Variants in ARVCF observed in about 807,000 individuals in gnomAD.
ARVCF encodes ARVCF delta catenin family member.
A neutral mutation model predicts 90.9 loss-of-function variants in ARVCF; 66 were observed. The observed-to-expected ratio is 0.73, with a 90% CI of 0.60 to 0.89. ARVCF has a LOEUF of 0.89. ARVCF is among the 40% of genes least tolerant of loss of function. The probability of loss-of-function intolerance (pLI) is 0.00; values close to 1 mark genes in which losing one functional copy is unlikely to be tolerated. For missense variants in ARVCF, 1,469 were observed against 1,382.3 expected (o/e 1.06, Z -1.00); for synonymous variants, 653 against 603.4 (o/e 1.08, Z -1.21).
intron 8 of ARVCF, 127 bp from the exon 9 acceptor site, chr22:19,977,713 G>A: frequency 7.7e-7 from 1 of 1,305,636 alleles, no homozygotes; most frequent in Admixed American, 3.0e-5. Flanking sequence ...CTCAGTGGAG[G>A]GGAGCAAAAG....
Position 19,981,354 on chromosome 22 carries a change from G to A in ARVCF, c.753C>T (p.Pro251=), listed in dbSNP as rs761619770. 30 of 1,605,834 alleles carry A rather than the reference G, an allele frequency of 1.9e-5. No homozygotes were observed. Among genetic ancestry groups the A allele is most frequent in the African/African-American group, 1.2e-4 (9 of 74,772 alleles). ...EPGPPGGRSL[P]ERFQAEPYGL... ...CATACGGCTCTGCCTGGAAGCGCTCGGGCAGGGAGCGGCCACCTGGTGGCC... is the reference window on the plus strand; with the variant it reads ...CATACGGCTCTGCCTGGAAGCGCTCAGGCAGGGAGCGGCCACCTGGTGGCC... Residue 251 remains proline (P), a synonymous_variant, in exon 5 of 20, where the codon CCC becomes CCT. Coordinates refer to ENST00000263207, the MANE Select transcript of ARVCF (RefSeq NM_001670.3).
At chr22:20,006,777 G>A (rs1431274202) in intron 2 of ARVCF, among the ~76,000 whole-genome samples, 6 of 151,058 alleles carry the variant, frequency 4.0e-5, no homozygotes, top group Non-Finnish European at 8.9e-5. Context: ...GACTACAGGC[G>A]CGTGCCACCA....
chr22:19,976,792 T>G (rs536768776), intron 9 of ARVCF, 69 bp from the exon 10 acceptor site: 1 of 1,529,924 alleles, frequency 6.5e-7, no homozygotes, highest in African/African-American at 1.4e-5. Flanking sequence ...CACCCCCCCA[T>G]GCCCTCCCGG....
At chr22:20,005,726 G>A (rs1471241727) in intron 2 of ARVCF, among the ~76,000 whole-genome samples, 1 of 151,950 alleles carries the variant, frequency 6.6e-6, no homozygotes, top group East Asian at 1.9e-4. Context: ...AACTTGGGAG[G>A]CGGAGCTTGC....
intron 2 of ARVCF, among the ~76,000 whole-genome samples, chr22:20,009,115 G>A (rs1944737655): frequency 6.6e-6 from 1 of 152,166 alleles, no homozygotes; most frequent in African/African-American, 2.4e-5. Context: ...TAAGGGCAGT[G>A]GGACAGCCCC....
chr22:19,973,409 A>G, intron 13 of ARVCF, 92 bp from the exon 14 acceptor site: 1 of 1,452,796 alleles, frequency 6.9e-7, no homozygotes, highest in Non-Finnish European at 9.2e-7. Context: ...CACTGCCAGG[A>G]GAGCCCCTGG....
chr22:19,977,268 C>A, intron 9 of ARVCF, 147 bp downstream of exon 9: 1 of 1,144,598 alleles, frequency 8.7e-7, no homozygotes, highest in Non-Finnish European at 1.2e-6. Context: ...GTCCAGCCTC[C>A]TTGACTCCTG....
intron 2 of ARVCF, 134 bp from the exon 3 acceptor site, chr22:19,990,946 A>G: frequency 2.3e-6 from 2 of 867,878 alleles, no homozygotes; most frequent in African/African-American, 3.4e-5. Context: ...AGAGGGAAGC[A>G]CACTGATTAA....
downstream of ARVCF, chr22:19,968,764 C>G (rs891228883): frequency 2.5e-6 from 4 of 1,597,236 alleles, no homozygotes; most frequent in African/African-American, 5.4e-5. Context: ...CTCTCGGGCT[C>G]TCTCACCCAG....
intron 2 of ARVCF, among the ~76,000 whole-genome samples, chr22:19,993,669 C>G (rs1321096578): frequency 6.6e-6 from 1 of 152,236 alleles, no homozygotes; most frequent in East Asian, 1.9e-4. Flanking sequence ...GAGGCCACTT[C>G]TTGCCAAACA....
chr22:19,987,911 G>C lies in ARVCF; in HGVS notation c.210+2674C>G, dbSNP rs115952945. Among the ~76,000 whole-genome samples, 1,047 of 152,300 alleles carry C rather than the reference G, an allele frequency of 6.9e-3. 10 individuals carry two copies. The highest frequency in any genetic ancestry group is 0.024 in the African/African-American group (1,007 of 41,558). ...TGTGGGCCACACCCTAGGGAATCTA[G>C]TTCTGCTGCAGTGAAAAATGGGAGG... is the stretch of plus-strand genomic sequence containing the variant. On this transcript the variant is annotated intron_variant, in intron 3 of 19. Transcript: ENST00000263207.
At chr22:19,972,859 G>A in intron 15 of ARVCF, 32 bp from the exon 16 acceptor site, 3 of 1,613,662 alleles carry the variant, frequency 1.9e-6, no homozygotes, top group Non-Finnish European at 2.5e-6. Context: ...CAGGGTGGGT[G>A]AAGCACATGG....
chr22:19,979,824 T>G lies in ARVCF; in HGVS notation c.1315A>C (p.Ile439Leu), dbSNP rs1470856019. ...YGRDTDNKAAIRDCGGVPALV... is the reference protein window; with the variant it reads ...YGRDTDNKAALRDCGGVPALV... ...GCAGGCACACCACCGCAGTCCCGGA[T>G]GGCGGCCTTGTTGTCAGTGTCGCGG... is the stretch of plus-strand genomic sequence containing the variant. Residue 439 changes from isoleucine (I) to leucine (L), a missense_variant, in exon 6 of 20, where the codon ATC (isoleucine) becomes CTC (leucine). Physicochemically the swap from Ile to Leu is conservative, Grantham distance 5 (BLOSUM62 2). Transcript: ENST00000263207. 4 of 1,609,744 alleles carry G rather than the reference T, an allele frequency of 2.5e-6. No homozygotes were observed. The highest frequency in any genetic ancestry group is 3.4e-6 in the Non-Finnish European group (4 of 1,178,968).
At chr22:19,967,157 C>T (rs556087393), downstream of ARVCF, 18 of 1,302,046 alleles carry the variant, frequency 1.4e-5, no homozygotes, top group African/African-American at 1.8e-4. Flanking sequence ...CTGTTTAACT[C>T]GTGCAGGTGC....
intron 1 of ARVCF, among the ~76,000 whole-genome samples, chr22:20,014,787 G>A (rs965360391): frequency 2.0e-5 from 3 of 152,176 alleles, no homozygotes; most frequent in Non-Finnish European, 2.9e-5. Context: ...CCCAGAGACC[G>A]GGGATCCTGC....
intron 2 of ARVCF, among the ~76,000 whole-genome samples, chr22:19,995,871 G>C (rs567721870): frequency 2.0e-5 from 3 of 152,196 alleles, no homozygotes; most frequent in Admixed American, 6.5e-5. Flanking sequence ...CCTACAAGGA[G>C]GAAATGATGC....
Position 19,977,996 on chromosome 22 carries a change from G to A in ARVCF, c.1660C>T (p.Leu554=), listed in dbSNP as rs1601592867. 2.5e-6 allele frequency: 4 copies of A among 1,611,808 alleles called. No homozygotes were observed. Among genetic ancestry groups the A allele is most frequent in the East Asian group, 2.2e-5 (1 of 44,850 alleles). The stretch of plus-strand genomic sequence containing the variant: ...TCCTTCCGGCCCACAGCCGACTGCA[G>A]GGCATGCAGGAGCGCGTCCACCAGC... The part of the protein sequence containing the change: ...EGLVDALLHA[L]QSAVGRKDTD... The change falls in exon 8 of 20, where the codon CTG becomes TTG. Residue 554 remains leucine, a synonymous_variant. Coordinates refer to ENST00000263207, the MANE Select transcript of ARVCF (RefSeq NM_001670.3).
intron 2 of ARVCF, among the ~76,000 whole-genome samples, chr22:20,001,291 G>C (rs1421321113): frequency 6.6e-6 from 1 of 152,180 alleles, no homozygotes. Flanking sequence ...ACAGGTGGGA[G>C]TGGCTGGGCC....
chr22:19,973,845 AC>A, intron 12 of ARVCF, 52 bp from the exon 13 acceptor site: 1 of 1,567,570 alleles, frequency 6.4e-7, no homozygotes, highest in Non-Finnish European at 8.6e-7. Flanking sequence ...GCACTCTCCC[AC>A]CTCCAGACGC....
Sources: allele counts gnomAD v4.1 joint callset (sites outside exome capture counted in the v4.1 genomes callset), GRCh38; gene constraint gnomAD v4.1.1; transcripts MANE v1.5; gene names NCBI Gene and HGNC (gene_info 2026-07-23, HGNC 2026-07-21).